The following EEA1 variants were observed in gnomAD, a reference collection of about 807,000 sequenced individuals.
EEA1 encodes the protein early endosome antigen 1, 162kD.
A neutral mutation model predicts 209.2 loss-of-function variants in EEA1; 111 were observed. That is an observed-to-expected ratio of 0.53 (90% CI 0.45 to 0.62). The LOEUF (loss-of-function observed/expected upper bound fraction) is 0.62, where lower values mean the gene tolerates loss of function less well. EEA1 is among the 20% of genes least tolerant of loss of function. The pLI, the probability that EEA1 is intolerant of heterozygous loss-of-function variation, is 0.00. For synonymous variants in EEA1, 536 were observed against 540.6 expected (o/e 0.99, Z 0.12); for missense variants, 1,343 against 1,530.8 (o/e 0.88, Z 2.05).
chr12:92,884,626 C>G, intron 2 of EEA1: 3 of 1,373,678 alleles, frequency 2.2e-6, no homozygotes, highest in Non-Finnish European at 3.1e-6. Context: ...GAGGCCAATA[C>G]TTTGCCAAAC....
chr12:92,894,151 G>A (rs912056400), intron 1 of EEA1, among the ~76,000 whole-genome samples: 7 of 152,146 alleles, frequency 4.6e-5, no homozygotes, highest in South Asian at 2.1e-4. Context: ...ATTGTTTTGA[G>A]GCACTACAAC....
In EEA1 at chr12:92,771,795, C is replaced by T. The variant is rs1873441305; in HGVS notation, c.*4216G>A. On this transcript the variant is annotated 3_prime_UTR_variant, in exon 29 of 29. Coordinates refer to ENST00000322349, the MANE Select transcript of EEA1 (RefSeq NM_003566.4). ...GGTGGCCTCTCAAATTCCTTTAGTC[C>T]CATGAATCCAGCAACCACAGACTTA... The T allele has an allele frequency of 6.6e-6, 1 of 151,868 alleles. No homozygotes were observed. Among genetic ancestry groups the T allele is most frequent in the Admixed American group, 6.6e-5 (1 of 15,222 alleles). 9.4% of individuals were successfully genotyped at this position (151,868 alleles called of 1,614,324 possible).
chr12:92,798,824 AATC>A, intron 21 of EEA1, 65 bp downstream of exon 21: 3 of 1,246,724 alleles, frequency 2.4e-6, no homozygotes, highest in Non-Finnish European at 3.3e-6. Context: ...CATCTGTATT[AATC>A]ATCATACTAT....
Position 92,844,644 on chromosome 12 carries a change from T to C in EEA1, c.799-2063A>G, listed in dbSNP as rs540110243. On this transcript the variant is annotated intron_variant, in intron 9 of 28. Coordinates refer to ENST00000322349, the MANE Select transcript of EEA1 (RefSeq NM_003566.4). ...TTTCTAATAATTTTGAATCCCAAAA[T>C]TATTTTGTTAGTAGGGTAACAATTT... Among the ~76,000 whole-genome samples the C allele has an allele frequency of 1.4e-4, 22 of 152,256 alleles. No individual in the cohort carries two copies. The East Asian group carries it at 3.9e-3, about 27-fold the overall frequency.
At chr12:92,889,530 CAAA>C (rs561513933) in intron 2 of EEA1, among the ~76,000 whole-genome samples, 1 of 78,716 alleles carries the variant, frequency 1.3e-5, no homozygotes. Flanking sequence ...ACGCTCTTTG[CAAA>C]AAAAAAAAAA....
At chr12:92,928,429 T>C (rs1262353147) in intron 1 of EEA1, among the ~76,000 whole-genome samples, 1 of 152,148 alleles carries the variant, frequency 6.6e-6, no homozygotes, top group East Asian at 1.9e-4. Context: ...ATATTTTTAA[T>C]TAAAAAAAAA....
Position 92,832,705 on chromosome 12 carries a change from G to T in EEA1, c.1061C>A (p.Ser354Tyr), listed in dbSNP as rs764302055. ...LDCQQLQSRLSASETSLHRIH... is the reference protein window; with the variant it reads ...LDCQQLQSRLYASETSLHRIH... The stretch of plus-strand genomic sequence containing the variant: ...TCTATGCAGTGAGGTTTCAGATGCA[G>T]ACAATCTTGACTGAAGCTGTTGACA... The change falls in exon 11 of 29, where the codon TCT becomes TAT. Residue 354 changes from serine to tyrosine, a missense_variant. Coordinates refer to ENST00000322349, the MANE Select transcript of EEA1 (RefSeq NM_003566.4). The T allele has an allele frequency of 6.2e-7, 1 of 1,613,978 alleles. No individual in the cohort carries two copies. The highest frequency in any genetic ancestry group is 1.1e-5 in the South Asian group (1 of 91,074).
intron 9 of EEA1, among the ~76,000 whole-genome samples, chr12:92,848,960 C>A (rs1276538563): frequency 6.6e-6 from 1 of 152,062 alleles, no homozygotes; most frequent in Non-Finnish European, 1.5e-5. Context: ...TGGACTGAAG[C>A]AATCTGCCTG....
At chr12:92,887,546 A>G (rs1258959188) in intron 2 of EEA1, among the ~76,000 whole-genome samples, 1 of 152,134 alleles carries the variant, frequency 6.6e-6, no homozygotes, top group Non-Finnish European at 1.5e-5. Context: ...TAGTCCCACT[A>G]CTGGAGACGT....
In EEA1 at chr12:92,853,017, A is replaced by C. The variant is rs1237912579; in HGVS notation, c.415T>G (p.Ser139Ala). 1 of 1,594,658 alleles carries C rather than the reference A, an allele frequency of 6.3e-7. No homozygotes were observed. The highest frequency in any genetic ancestry group is 8.6e-7 in the Non-Finnish European group (1 of 1,169,406). ...LVTDSSAELQ[S>A]LEQQLEEAQT... ...GCTTCTTCTAATTGCTGTTCCAAAG[A>C]CTGTAGTTCTACAAAAAAGTGTCGC... The change falls in exon 7 of 29, where the codon TCT becomes GCT. Residue 139 changes from serine to alanine, a missense_variant. Transcript: ENST00000322349.
At chr12:92,829,220 T>A (rs1024444515) in intron 11 of EEA1, among the ~76,000 whole-genome samples, 46 of 151,832 alleles carry the variant, frequency 3.0e-4, no homozygotes, top group African/African-American at 4.8e-5. Flanking sequence ...GGCAGGAGAA[T>A]CGCTTGAACC....
intron 1 of EEA1, among the ~76,000 whole-genome samples, chr12:92,924,201 CTT>C (rs754907902): frequency 3.2e-5 from 3 of 94,546 alleles, no homozygotes; most frequent in Admixed American, 1.1e-4. Flanking sequence ...ACATTTAAGA[CTT>C]TTTTTTTTTT....
intron 13 of EEA1, among the ~76,000 whole-genome samples, chr12:92,820,784 C>CAT (rs1876016476): frequency 2.6e-5 from 4 of 151,942 alleles, no homozygotes; most frequent in African/African-American, 4.8e-5. Flanking sequence ...TACACACACA[C>CAT]ACACATATAT....
chr12:92,780,531 G>T, intron 23 of EEA1, 120 bp from the exon 24 acceptor site: 2 of 634,152 alleles, frequency 3.2e-6, no homozygotes, highest in South Asian at 2.5e-5. Flanking sequence ...ACCTAACTTG[G>T]GCAAATTACT....
At chr12:92,913,580 A>G (rs1049190383) in intron 1 of EEA1, among the ~76,000 whole-genome samples, 3 of 152,138 alleles carry the variant, frequency 2.0e-5, no homozygotes, top group Non-Finnish European at 4.4e-5. Context: ...GGTCTCAGTC[A>G]TAAATTCTTC....
chr12:92,842,743 C>T (rs539031840), intron 9 of EEA1, among the ~76,000 whole-genome samples, 162 bp from the exon 10 acceptor site: 5 of 152,164 alleles, frequency 3.3e-5, no homozygotes, highest in Admixed American at 6.5e-5. Flanking sequence ...ATGCTTTTTT[C>T]GGCTTACGAC....
chr12:92,828,636 G>A (rs1592723543), intron 11 of EEA1, among the ~76,000 whole-genome samples: 1 of 140,226 alleles, frequency 7.1e-6, no homozygotes, highest in East Asian at 2.0e-4. Flanking sequence ...ATATATATAT[G>A]GTGACCCTCA....
At chr12:92,812,945 T>C (rs776517831) in intron 16 of EEA1, 35 bp downstream of exon 16, 2 of 1,412,152 alleles carry the variant, frequency 1.4e-6, no homozygotes, top group South Asian at 2.6e-5. Context: ...ACCAAAGCAC[T>C]AGGTGATAGT....
chr12:92,891,768 A>C (rs767995034), intron 1 of EEA1, 47 bp from the exon 2 acceptor site: 3 of 1,341,852 alleles, frequency 2.2e-6, no homozygotes, highest in African/African-American at 2.9e-5. Context: ...GCAGACATTA[A>C]CAATATATTC....
Sources: allele counts gnomAD v4.1 joint callset (sites outside exome capture counted in the v4.1 genomes callset), GRCh38; gene constraint gnomAD v4.1.1; transcripts MANE v1.5; gene names NCBI Gene and HGNC (gene_info 2026-07-23, HGNC 2026-07-21).